The following GSN variants were observed in gnomAD, a reference collection of about 807,000 sequenced individuals.
The protein encoded by GSN is gelsolin.
GSN carries 56 observed loss-of-function variants against 85.7 expected under a neutral mutation model. The observed-to-expected ratio is 0.65, with a 90% CI of 0.53 to 0.82. GSN has a LOEUF of 0.82. Ranked by LOEUF, GSN falls within the 40% of genes least tolerant of loss-of-function variation. GSN has a pLI of 0.00. For missense variants in GSN, 857 were observed against 979.8 expected (o/e 0.87, Z 1.67); for synonymous variants, 373 against 399.1 (o/e 0.93, Z 0.78).
chr9:121,240,031 GT>G (rs1426539557), intron 5 of GSN: 2 of 157,018 alleles, frequency 1.3e-5, no homozygotes, highest in Non-Finnish European at 2.9e-5. Flanking sequence ...GGCTTGGGTA[GT>G]TTGGGTGTGG....
Position 121,275,613 on chromosome 9 carries a change from C to T in GSN, c.-102-5857C>T, listed in dbSNP as rs146540638. 1.3e-3 allele frequency among the ~76,000 whole-genome samples: 201 copies of T among 152,194 alleles called. 1 individual carries two copies. The highest frequency in any genetic ancestry group is 4.6e-3 in the African/African-American group (191 of 41,522). ...CTAGCCTGTATCCATCCCCCTCCCA[C>T]CTCCCCTCCCACCACAGTACCTGTT... On this transcript the variant is annotated intron_variant, in intron 1 of 17. Transcript: ENST00000432226.
At position 121,324,633 on chromosome 9, in the gene GSN, AC is replaced by A; in HGVS notation, c.1409del (p.Pro470LeufsTer16). 1 of 1,528,466 alleles carries A rather than the reference AC, an allele frequency of 6.5e-7. No individual in the cohort carries two copies. Among genetic ancestry groups the A allele is most frequent in the Non-Finnish European group, 8.9e-7 (1 of 1,128,840 alleles). The allele number at this position is 1,528,466 out of a possible 1,614,324, so 94.7% of individuals were successfully genotyped here. On this transcript the variant is annotated frameshift_variant, in exon 12 of 18. Coordinates refer to ENST00000432226, the MANE Select transcript of GSN (RefSeq NM_198252.3). LOFTEE classifies it high-confidence loss of function. ...TAQLDEELGG[T>X]PVQSRVVQGK... ...TCAGCTGGATGAGGAGCTGGGAGGT[AC>A]CCCTGTCCAGGTGAGCCCAGCCCAC...
At chr9:121,253,092 T>C (rs1336577179) in intron 6 of GSN, among the ~76,000 whole-genome samples, 1 of 152,244 alleles carries the variant, frequency 6.6e-6, no homozygotes, top group Non-Finnish European at 1.5e-5. Context: ...GAGAGCTAGC[T>C]GGGTCTTTAG....
chr9:121,225,994 G>A (rs188744770), intron 4 of GSN, among the ~76,000 whole-genome samples: 133 of 152,234 alleles, frequency 8.7e-4, no homozygotes, highest in African/African-American at 3.0e-3. Context: ...TAGTAGAGAC[G>A]GGGTTTCACC....
At chr9:121,258,969 G>T (rs542797658) in intron 6 of GSN, among the ~76,000 whole-genome samples, 3 of 152,276 alleles carry the variant, frequency 2.0e-5, no homozygotes, top group African/African-American at 7.2e-5. Context: ...GTTGGGCACT[G>T]GGAGCACAAT....
At position 121,281,533 on chromosome 9, in the gene GSN, A is replaced by G. The variant is rs1399200747; in HGVS notation, c.-39A>G. ...TGGTCCCAGCGCCTTCCCACGGAGC[A>G]GCACTCTTCACCCTGCACAGCCTTG... On this transcript the variant is annotated 5_prime_UTR_variant, in exon 2 of 18. Coordinates refer to ENST00000432226, the MANE Select transcript of GSN (RefSeq NM_198252.3). The G allele has an allele frequency of 2.3e-6, 1 of 435,936 alleles. No individual in the cohort carries two copies. The highest frequency in any genetic ancestry group is 1.7e-5 in the South Asian group (1 of 58,028). The allele number at this position is 435,936 out of a possible 1,614,324, so 27.0% of individuals were successfully genotyped here. A position where few individuals can be genotyped will look rare whatever the true frequency, so the allele number is the denominator to read the frequency against.
Position 121,299,837 on chromosome 9 carries a change from TG to T in GSN, c.-9-2123del. ...GCGACCCGAGGCCGCGGCTGCCGAC[TG>T]GGTCCCCTGCCGCTGTCGCCACCAT... On this transcript the variant is annotated intron_variant, in intron 2 of 17. Coordinates refer to ENST00000432226, the MANE Select transcript of GSN (RefSeq NM_198252.3). The surrounding 1 kb of genome is among the most constrained non-coding windows in gnomAD (Gnocchi z 4.2). 1 of 1,341,370 alleles carries T rather than the reference TG, an allele frequency of 7.5e-7. No individual in the cohort carries two copies. Among genetic ancestry groups the T allele is most frequent in the South Asian group, 1.7e-5 (1 of 59,746 alleles). The allele number at this position is 1,341,370 out of a possible 1,614,324, so 83.1% of individuals were successfully genotyped here. A position where few individuals can be genotyped will look rare whatever the true frequency, so the allele number is the denominator to read the frequency against.
intron 7 of GSN, 67 bp from the exon 8 acceptor site, chr9:121,317,019 G>A (rs1035372178): frequency 3.4e-5 from 54 of 1,608,180 alleles, no homozygotes; most frequent in Non-Finnish European, 4.1e-5. Flanking sequence ...GGGCAAGATG[G>A]TGGAAGTCTC....
At chr9:121,330,766 C>T (rs1346346368) in intron 16 of GSN, among the ~76,000 whole-genome samples, 1 of 151,706 alleles carries the variant, frequency 6.6e-6, no homozygotes, top group East Asian at 1.9e-4. Flanking sequence ...TATTTTTATT[C>T]CAAGCCTTAG....
intron 6 of GSN, among the ~76,000 whole-genome samples, chr9:121,252,131 A>T (rs1318525833): frequency 6.6e-6 from 1 of 152,194 alleles, no homozygotes; most frequent in Admixed American, 6.5e-5. Context: ...GGGGGTATAT[A>T]AAAAGAGATG....
chr9:121,314,568 A>G (rs1389547547), intron 7 of GSN, among the ~76,000 whole-genome samples: 1 of 152,176 alleles, frequency 6.6e-6, no homozygotes, highest in Non-Finnish European at 1.5e-5. Context: ...CAGTAAAACA[A>G]CAAAAAGGGG....
intron 2 of GSN, among the ~76,000 whole-genome samples, chr9:121,300,650 C>G (rs1245324037): frequency 6.6e-6 from 1 of 152,176 alleles, no homozygotes; most frequent in African/African-American, 2.4e-5. Context: ...GCACCCTCCC[C>G]GGCCCCAGCC....
intron 8 of GSN, 195 bp downstream of exon 8, chr9:121,317,413 C>T: frequency 1.6e-6 from 1 of 617,066 alleles, no homozygotes; most frequent in Non-Finnish European, 2.9e-6. Context: ...CCTTTCTGGG[C>T]CTCAGATTCC....
intron 10 of GSN, among the ~76,000 whole-genome samples, chr9:121,320,025 G>T (rs1003055315): frequency 2.6e-5 from 4 of 152,082 alleles, no homozygotes; most frequent in African/African-American, 9.7e-5. Flanking sequence ...AAAATATTTC[G>T]GGTGGGGCGG....
intron 11 of GSN, among the ~76,000 whole-genome samples, chr9:121,322,018 C>G (rs1387238148): frequency 1.3e-5 from 2 of 152,160 alleles, no homozygotes; most frequent in Non-Finnish European, 2.9e-5. Flanking sequence ...GCTGGGGTTA[C>G]AGGAGTGAGC....
chr9:121,231,332 C>T (rs2054383457), intron 5 of GSN: 1 of 152,144 alleles, frequency 6.6e-6, no homozygotes, highest in African/African-American at 2.4e-5. Flanking sequence ...TTCTTCTTTT[C>T]TATCCTTGTA....
At chr9:121,247,390 A>G (rs2054721706) in intron 5 of GSN, among the ~76,000 whole-genome samples, 2 of 152,234 alleles carry the variant, frequency 1.3e-5, no homozygotes, top group Admixed American at 1.3e-4. Flanking sequence ...GCTTAAAAAT[A>G]CAACGCAACA....
chr9:121,202,756 T>G, the GSN span, among the ~76,000 whole-genome samples: 4 of 152,240 alleles, frequency 2.6e-5, no homozygotes, highest in East Asian at 7.7e-4. Flanking sequence ...TGCATTGATA[T>G]AAACATGACG....
upstream of GSN, among the ~76,000 whole-genome samples, chr9:121,266,623 C>T (rs1385937220): frequency 6.6e-6 from 1 of 152,178 alleles, no homozygotes; most frequent in Non-Finnish European, 1.5e-5. Flanking sequence ...GGGCCAAGGA[C>T]TCAGGCATAG....
Sources: gnomAD v4.1 joint callset for allele counts (sites outside exome capture counted in the v4.1 genomes callset) on GRCh38, gnomAD v4.1.1 for gene constraint, Gnocchi (gnomAD v3.1) non-coding constraint, MANE v1.5 for transcripts, NCBI Gene and HGNC (gene_info 2026-07-23, HGNC 2026-07-21) for gene names.